Variants in EVI5 observed in about 807,000 individuals in gnomAD.
EVI5 encodes ecotropic viral integration site 5.
A neutral mutation model predicts 112.0 loss-of-function variants in EVI5; 73 were observed. That is an observed-to-expected ratio of 0.65 (90% CI 0.54 to 0.79). The LOEUF (loss-of-function observed/expected upper bound fraction) is 0.79, where lower values mean the gene tolerates loss of function less well. Ranked by LOEUF, EVI5 falls within the 30% of genes least tolerant of loss-of-function variation. The pLI is 0.00. For synonymous variants in EVI5, 305 were observed against 319.9 expected (o/e 0.95, Z 0.50); for missense variants, 900 against 968.8 (o/e 0.93, Z 0.94).
intron 10 of EVI5, among the ~76,000 whole-genome samples, chr1:92,676,367 C>G (rs1164833786): frequency 7.0e-6 from 1 of 142,428 alleles, no homozygotes; most frequent in Non-Finnish European, 1.5e-5. Context: ...AGGAGGGAGT[C>G]ACTCCACTAA....
chr1:92,660,128 A>G (rs1181838542), intron 13 of EVI5, among the ~76,000 whole-genome samples: 1 of 152,006 alleles, frequency 6.6e-6, no homozygotes, highest in Admixed American at 6.6e-5. Context: ...TGGATACAAT[A>G]TATACTATTC....
At chr1:92,578,349 T>A (rs2101057016) in intron 18 of EVI5, among the ~76,000 whole-genome samples, 1 of 152,310 alleles carries the variant, frequency 6.6e-6, no homozygotes, top group South Asian at 2.1e-4. Flanking sequence ...CCTCTTTTTT[T>A]TGGCATGGCC....
At chr1:92,595,053 TCCCATCACTGGGTATATA>T (rs1328362192) in intron 18 of EVI5, among the ~76,000 whole-genome samples, 3 of 151,852 alleles carry the variant, frequency 2.0e-5, no homozygotes, top group Non-Finnish European at 2.9e-5. Context: ...GACCCAGCCA[TCCCATCACTGGGTATATA>T]CCCAAAGGAT....
intron 10 of EVI5, among the ~76,000 whole-genome samples, chr1:92,666,643 G>GA (rs1664959601): frequency 1.3e-5 from 2 of 149,584 alleles, no homozygotes; most frequent in South Asian, 4.2e-4. Flanking sequence ...AAGGGGAGAA[G>GA]AAAGGAAAGG....
At chr1:92,551,440 C>T (rs1174199906) in intron 19 of EVI5, among the ~76,000 whole-genome samples, 1 of 152,070 alleles carries the variant, frequency 6.6e-6, no homozygotes, top group African/African-American at 2.4e-5. Flanking sequence ...GAATAATCAG[C>T]TTTGAATGAA....
chr1:92,651,033 T>C (rs919575785), intron 13 of EVI5, among the ~76,000 whole-genome samples: 1 of 152,188 alleles, frequency 6.6e-6, no homozygotes, highest in African/African-American at 2.4e-5. Context: ...CTGCTTTATT[T>C]TTATTTTTCT....
At chr1:92,753,914 T>C (rs759913424) in intron 1 of EVI5, among the ~76,000 whole-genome samples, 6 of 152,290 alleles carry the variant, frequency 3.9e-5, no homozygotes, top group Middle Eastern at 6.8e-3. Flanking sequence ...CATTCTTCCA[T>C]ATTTTGAAAA....
At chr1:92,678,341 G>A (rs529038259) in intron 9 of EVI5, among the ~76,000 whole-genome samples, 2 of 152,250 alleles carry the variant, frequency 1.3e-5, no homozygotes, top group South Asian at 4.2e-4. Context: ...GACCAGCCTG[G>A]GCAACATGGT....
In EVI5 at chr1:92,776,803, CTT is replaced by C. The variant is rs1229355512; in HGVS notation, c.-82+8031_-82+8032del. Among the ~76,000 whole-genome samples, 369 of 130,836 alleles carry C rather than the reference CTT, an allele frequency of 2.8e-3. 2 individuals are homozygous for C. The highest frequency in any genetic ancestry group is 8.3e-3 in the Middle Eastern group (2 of 242). The allele number at this position is 130,836 out of a possible 152,430, so 85.8% of individuals were successfully genotyped here. On this transcript the variant is annotated intron_variant, in intron 1 of 19. Coordinates refer to ENST00000684568, the MANE Select transcript of EVI5 (RefSeq NM_001350197.2). ...GGTGCACACCACCATAGCCAGCTAA[CTT>C]TTTTTTTTTTTTTTTTGAGACAGAG...
chr1:92,686,287 C>T (rs753820269), intron 9 of EVI5, among the ~76,000 whole-genome samples: 13 of 152,064 alleles, frequency 8.5e-5, no homozygotes, highest in East Asian at 7.7e-4. Flanking sequence ...ACAGAACCAA[C>T]GACAAAAACC....
At chr1:92,718,402 A>C (rs949449752) in intron 2 of EVI5, among the ~76,000 whole-genome samples, 1 of 152,052 alleles carries the variant, frequency 6.6e-6, no homozygotes, top group Non-Finnish European at 1.5e-5. Context: ...CTCAAAACGC[A>C]CAATTATATG....
At chr1:92,735,847 A>ATT (rs1384204925) in intron 2 of EVI5, among the ~76,000 whole-genome samples, 2 of 144,792 alleles carry the variant, frequency 1.4e-5, no homozygotes, top group African/African-American at 2.5e-5. Flanking sequence ...TATAATATAT[A>ATT]TTATATATAT....
At chr1:92,629,665 T>TC (rs1656469236) in intron 14 of EVI5, among the ~76,000 whole-genome samples, 1 of 150,754 alleles carries the variant, frequency 6.6e-6, no homozygotes, top group Admixed American at 6.6e-5. Context: ...TCTTTTTTTT[T>TC]CTTTTTTTCT....
At chr1:92,654,387 A>G (rs1182954397) in intron 13 of EVI5, among the ~76,000 whole-genome samples, 1 of 152,164 alleles carries the variant, frequency 6.6e-6, no homozygotes, top group Non-Finnish European at 1.5e-5. Context: ...TACTACTCAC[A>G]CAGCCAGTAC....
chr1:92,725,348 AG>A (rs1675401901), intron 2 of EVI5, among the ~76,000 whole-genome samples: 1 of 152,208 alleles, frequency 6.6e-6, no homozygotes, highest in Non-Finnish European at 1.5e-5. Flanking sequence ...TCGCCTCAGT[AG>A]GGGGGAATAA....
chr1:92,625,578 T>A, intron 15 of EVI5: 1 of 419,492 alleles, frequency 2.4e-6, no homozygotes, highest in Non-Finnish European at 4.3e-6. Flanking sequence ...TATTATCTGA[T>A]GTCTACTGTA....
At chr1:92,702,339 C>T in intron 4 of EVI5, 124 bp from the exon 5 acceptor site, 1 of 572,388 alleles carries the variant, frequency 1.7e-6, no homozygotes, top group Non-Finnish European at 3.1e-6. Context: ...CTCTTGCTTG[C>T]TTGTTATAGA....
At chr1:92,529,606 G>A (rs1662498109) in intron 19 of EVI5, among the ~76,000 whole-genome samples, 1 of 152,122 alleles carries the variant, frequency 6.6e-6, no homozygotes, top group African/African-American at 2.4e-5. Flanking sequence ...TGTATTCTAA[G>A]AATAAGGTGA....
intron 18 of EVI5, among the ~76,000 whole-genome samples, chr1:92,582,845 T>G (rs1051488179): frequency 4.6e-5 from 7 of 152,094 alleles, no homozygotes; most frequent in African/African-American, 1.7e-4. Flanking sequence ...TCATAAAGAA[T>G]AAAAAGTGAA....
Sources: gnomAD v4.1 joint callset for allele counts (sites outside exome capture counted in the v4.1 genomes callset) on GRCh38, gnomAD v4.1.1 for gene constraint, MANE v1.5 for transcripts, NCBI Gene and HGNC (gene_info 2026-07-23, HGNC 2026-07-21) for gene names.